Variants in FBN1 observed in about 807,000 individuals in gnomAD.
FBN1 encodes fibrillin 1.
FBN1 carries 29 observed loss-of-function variants against 365.1 expected under a neutral mutation model. The observed-to-expected ratio is 0.08, with a 90% CI of 0.06 to 0.11. FBN1 has a LOEUF of 0.11. Among genes scored for constraint, FBN1 ranks in the 10% least tolerant of loss-of-function variants. The pLI, the probability that FBN1 is intolerant of heterozygous loss-of-function variation, is 1.00. For synonymous variants in FBN1, 1,210 were observed against 1,270.5 expected, an observed-to-expected ratio of 0.95 and a Z score of 1.01; for missense variants, 2,476 against 3,703.2, an observed-to-expected ratio of 0.67 and a Z score of 8.60.
In FBN1 at chr15:48,483,052, T is replaced by C. The variant is rs7168768; in HGVS notation, c.3838+766A>G. On this transcript the variant is annotated intron_variant, in intron 31 of 65. Coordinates refer to ENST00000316623, the MANE Select transcript of FBN1 (RefSeq NM_000138.5). ...ATATTTCTAGGAATACAAAAATATCTAGCACTCAGTAAGGCACAATTTACA... is the reference window on the plus strand; with the variant it reads ...ATATTTCTAGGAATACAAAAATATCCAGCACTCAGTAAGGCACAATTTACA... Among the ~76,000 whole-genome samples the C allele has an allele frequency of 0.017, 2,625 of 152,288 alleles. 216 individuals are homozygous for C. The East Asian group carries it at 0.24, about 14-fold the overall frequency.
chr15:48,503,677 G>A (rs1261457825), intron 17 of FBN1, 110 bp downstream of exon 17: 3 of 1,431,338 alleles, frequency 2.1e-6, no homozygotes, highest in East Asian at 2.3e-5. Context: ...GAAGGCACAT[G>A]GCGTACCTGG....
At chr15:48,523,084 T>C (rs1415378866) in intron 9 of FBN1, among the ~76,000 whole-genome samples, 1 of 152,248 alleles carries the variant, frequency 6.6e-6, no homozygotes, top group Non-Finnish European at 1.5e-5. Flanking sequence ...ACTAATACTT[T>C]ATATACTTGG....
intron 45 of FBN1, among the ~76,000 whole-genome samples, chr15:48,451,041 AAATGATG>A (rs1300709947): frequency 3.9e-5 from 6 of 152,250 alleles, no homozygotes; most frequent in African/African-American, 1.4e-4. Context: ...TTTTGGCTGC[AAATGATG>A]CTCACTCACA....
chr15:48,545,482 C>T (rs910777276), intron 6 of FBN1, among the ~76,000 whole-genome samples: 2 of 152,030 alleles, frequency 1.3e-5, no homozygotes, highest in East Asian at 1.9e-4. Flanking sequence ...AAATATCAAT[C>T]GATTGCAGTG....
At chr15:48,434,743 A>G in intron 53 of FBN1, 30 bp from the exon 54 acceptor site, 1 of 1,611,120 alleles carries the variant, frequency 6.2e-7, no homozygotes, top group Non-Finnish European at 8.5e-7. Flanking sequence ...TGTCCAAAAC[A>G]TGATGAATTG....
chr15:48,582,000 C>T (rs1444921694), intron 6 of FBN1, among the ~76,000 whole-genome samples: 1 of 152,112 alleles, frequency 6.6e-6, no homozygotes, highest in East Asian at 1.9e-4. Context: ...TTCATAAGTG[C>T]TGCATAAATG....
In FBN1 at chr15:48,422,080, T is replaced by C. The variant is rs762905968; in HGVS notation, c.7454-12A>G. ...ACACTCATCAAGATCTACAAGAAAA[T>C]GCAAGAGAGGCATTTGAGTCAAGCC... On this transcript the variant is annotated splice_polypyrimidine_tract_variant and intron_variant, in intron 60 of 65. Transcript: ENST00000316623. 6.3e-7 allele frequency: 1 copy of C among 1,578,972 alleles called. No homozygotes were observed. Among genetic ancestry groups the C allele is most frequent in the South Asian group, 1.1e-5 (1 of 90,472 alleles).
intron 32 of FBN1, among the ~76,000 whole-genome samples, chr15:48,475,676 G>A (rs2043413054): frequency 6.6e-6 from 1 of 152,164 alleles, no homozygotes; most frequent in African/African-American, 2.4e-5. Flanking sequence ...CACTTGAATA[G>A]TGGCATGAAA....
chr15:48,599,798 G>A (rs932031684), intron 5 of FBN1, among the ~76,000 whole-genome samples: 2 of 152,220 alleles, frequency 1.3e-5, no homozygotes, highest in Non-Finnish European at 2.9e-5. Flanking sequence ...GAAAATCCAA[G>A]TGTTGAAGTT....
In FBN1 at chr15:48,474,661, G is replaced by A; in HGVS notation, c.3965-11C>T. The A allele has an allele frequency of 6.2e-7, 1 of 1,614,030 alleles. No homozygotes were observed. Among genetic ancestry groups the A allele is most frequent in the Non-Finnish European group, 8.5e-7 (1 of 1,179,992 alleles). On this transcript the variant is annotated splice_polypyrimidine_tract_variant and intron_variant, in intron 32 of 65. Transcript: ENST00000316623. ...CACATTCATTGATGTCTGGAAAAAT[G>A]AGCAGTGATTTAGAAAAAGGCTCAG...
At chr15:48,488,584 G>A (rs1347467083) in intron 25 of FBN1, 91 bp from the exon 26 acceptor site, 35 of 1,468,440 alleles carry the variant, frequency 2.4e-5, no homozygotes, top group Non-Finnish European at 3.1e-5. Flanking sequence ...ATGAAGGTTG[G>A]AAGTTCTTGA....
In FBN1 at chr15:48,463,064, G is replaced by A. The variant is rs776888806; in HGVS notation, c.5224+18C>T. 2 of 1,611,516 alleles carry A rather than the reference G, an allele frequency of 1.2e-6. No homozygotes were observed. Among genetic ancestry groups the A allele is most frequent in the Non-Finnish European group, 8.5e-7 (1 of 1,177,990 alleles). Reference sequence around the variant, plus strand: ...TTTTTCAACCTATATTTTTGATAATGGAGAAACTAAAACTCACCTGTACTT... The same window carrying A: ...TTTTTCAACCTATATTTTTGATAATAGAGAAACTAAAACTCACCTGTACTT... On this transcript the variant is annotated intron_variant, in intron 42 of 65. Transcript: ENST00000316623.
At chr15:48,579,460 A>G (rs1201891504) in intron 6 of FBN1, among the ~76,000 whole-genome samples, 1 of 152,126 alleles carries the variant, frequency 6.6e-6, no homozygotes, top group Non-Finnish European at 1.5e-5. Flanking sequence ...CTCTACTACC[A>G]TCTCAAAAAA....
At chr15:48,452,247 TTG>T (rs931788466) in intron 45 of FBN1, among the ~76,000 whole-genome samples, 40 of 152,024 alleles carry the variant, frequency 2.6e-4, no homozygotes, top group African/African-American at 9.4e-4. Context: ...GTATGCATAA[TTG>T]TGTGTGTGTG....
intron 27 of FBN1, 53 bp from the exon 28 acceptor site, chr15:48,487,490 G>C (rs2043519203): frequency 6.2e-6 from 10 of 1,607,034 alleles, no homozygotes; most frequent in Non-Finnish European, 8.5e-6. Context: ...TCCTCCACCA[G>C]ACCAAGCACT....
Position 48,468,210 on chromosome 15 carries a change from G to C in FBN1, c.4583-108C>G, listed in dbSNP as rs1329247289. ...TCAAAAACCGTAATTTACTTTTACT[G>C]AGAAACTAAAAAGTGCCCATGAACA... is the stretch of plus-strand genomic sequence containing the variant. On this transcript the variant is annotated intron_variant, in intron 37 of 65. Coordinates refer to ENST00000316623, the MANE Select transcript of FBN1 (RefSeq NM_000138.5). The C allele has an allele frequency of 2.1e-6, 3 of 1,459,964 alleles. No homozygotes were observed. In the East Asian group the frequency reaches 7.0e-5, roughly 34 times the overall value. The allele number at this position is 1,459,964 out of a possible 1,614,324, so 90.4% of individuals were successfully genotyped here. A position where few individuals can be genotyped will look rare whatever the true frequency, so the allele number is the denominator to read the frequency against.
chr15:48,575,233 G>A (rs2044335855), intron 6 of FBN1, among the ~76,000 whole-genome samples: 1 of 152,198 alleles, frequency 6.6e-6, no homozygotes, highest in South Asian at 2.1e-4. Context: ...CGTATTAAAT[G>A]TTAAAGTCTC....
chr15:48,463,880 G>C lies in FBN1; in HGVS notation c.5065+19C>G, dbSNP rs2043299839. 3.1e-6 allele frequency: 5 copies of C among 1,600,164 alleles called. No individual in the cohort carries two copies. The highest frequency in any genetic ancestry group is 1.7e-5 in the Admixed American group (1 of 58,784). ...AGATGAGAACCAAACATGCATTACTGAGAAAAGCTTGGACTTACCCATGCA... is the reference window on the plus strand; with the variant it reads ...AGATGAGAACCAAACATGCATTACTCAGAAAAGCTTGGACTTACCCATGCA... On this transcript the variant is annotated intron_variant, in intron 41 of 65. Transcript: ENST00000316623.
intron 3 of FBN1, 81 bp from the exon 4 acceptor site, chr15:48,610,907 C>T (rs552813881): frequency 1.6e-5 from 19 of 1,201,100 alleles, no homozygotes; most frequent in Non-Finnish European, 2.0e-5. Context: ...AATGAGGAAA[C>T]CTGGGTTCTC....
Sources: allele counts gnomAD v4.1 joint callset (sites outside exome capture counted in the v4.1 genomes callset), GRCh38; gene constraint gnomAD v4.1.1; transcripts MANE v1.5; gene names NCBI Gene and HGNC (gene_info 2026-07-23, HGNC 2026-07-21).